The following SLC30A8 variants were observed in gnomAD, a reference collection of about 807,000 sequenced individuals.
SLC30A8 encodes proton-coupled zinc antiporter SLC30A8.
SLC30A8 carries 27 observed loss-of-function variants against 36.9 expected under a neutral mutation model. The ratio of observed to expected loss-of-function variants is 0.73; its 90% confidence interval spans 0.54 to 1.01. The LOEUF (loss-of-function observed/expected upper bound fraction) is 1.01, where lower values mean the gene tolerates loss of function less well. Among genes scored for constraint, SLC30A8 ranks in the 50% least tolerant of loss-of-function variants. The pLI, the probability that SLC30A8 is intolerant of heterozygous loss-of-function variation, is 0.00. For synonymous variants in SLC30A8, 164 were observed against 172.4 expected (o/e 0.95, Z 0.38); for missense variants, 439 against 452.0 (o/e 0.97, Z 0.26).
chr8:117,104,130 C>A (rs1819864114), intron 2 of SLC30A8, among the ~76,000 whole-genome samples: 1 of 152,152 alleles, frequency 6.6e-6, no homozygotes, highest in Non-Finnish European at 1.5e-5. Flanking sequence ...TCCAACTAGA[C>A]CCCAACTTGG....
At chr8:117,121,737 T>A (rs1563610452) in intron 2 of SLC30A8, among the ~76,000 whole-genome samples, 1 of 152,044 alleles carries the variant, frequency 6.6e-6, no homozygotes, top group East Asian at 1.9e-4. Context: ...AATAAGCCAG[T>A]CACAAAAGGA....
chr8:117,090,269 A>T (rs949170860), intron 2 of SLC30A8, among the ~76,000 whole-genome samples: 1 of 152,082 alleles, frequency 6.6e-6, no homozygotes, highest in Admixed American at 6.6e-5. Flanking sequence ...GCCAACTCCT[A>T]ATAAATTTTT....
chr8:117,100,444 C>G (rs1042871241), intron 2 of SLC30A8, among the ~76,000 whole-genome samples: 1 of 152,140 alleles, frequency 6.6e-6, no homozygotes, highest in Non-Finnish European at 1.5e-5. Context: ...CTCTTTGAGG[C>G]TCTAAGCCCC....
At chr8:117,019,877 G>A (rs1205277779) in intron 1 of SLC30A8, among the ~76,000 whole-genome samples, 4 of 152,196 alleles carry the variant, frequency 2.6e-5, no homozygotes, top group African/African-American at 9.7e-5. Context: ...GGGCATGGCA[G>A]GGGAGAGTGT....
intron 2 of SLC30A8, among the ~76,000 whole-genome samples, chr8:117,066,716 T>G (rs1306975413): frequency 6.6e-6 from 1 of 152,110 alleles, no homozygotes; most frequent in Non-Finnish European, 1.5e-5. Context: ...GGAAAAGATG[T>G]GTACTTTTTT....
intron 1 of SLC30A8, among the ~76,000 whole-genome samples, chr8:116,973,473 AC>A (rs1814863486): frequency 6.6e-6 from 1 of 152,184 alleles, no homozygotes; most frequent in African/African-American, 2.4e-5. Flanking sequence ...TAGGAATCCA[AC>A]TTACAAGGGA....
intron 1 of SLC30A8, among the ~76,000 whole-genome samples, chr8:117,143,566 T>C (rs1359666305): frequency 1.3e-5 from 2 of 152,076 alleles, no homozygotes; most frequent in Non-Finnish European, 2.9e-5. Context: ...TTTAATGAGA[T>C]GATAAGGAAT....
intron 1 of SLC30A8, among the ~76,000 whole-genome samples, chr8:117,033,057 A>G (rs942791699): frequency 6.6e-6 from 1 of 152,202 alleles, no homozygotes; most frequent in African/African-American, 2.4e-5. Context: ...CAGATGTATT[A>G]AAATTAAAAG....
chr8:117,036,843 C>G (rs142864854), intron 1 of SLC30A8, among the ~76,000 whole-genome samples: 116 of 152,252 alleles, frequency 7.6e-4, no homozygotes, highest in Non-Finnish European at 1.5e-3. Flanking sequence ...AGTAGCATGC[C>G]CAAGTTTATG....
intron 2 of SLC30A8, among the ~76,000 whole-genome samples, chr8:117,089,568 A>G (rs887918937): frequency 6.6e-6 from 1 of 152,070 alleles, no homozygotes; most frequent in Non-Finnish European, 1.5e-5. Context: ...CATCCCCACT[A>G]CTGCCTCCAT....
In SLC30A8 at chr8:117,169,702, G is replaced by A. The variant is rs571163616; in HGVS notation, c.830-1332G>A. Reference sequence around the variant, plus strand: ...GAGGCCTCAAGAAGCTTCCAATAGCGGCAAAAGGCAAAGGGGGAGAAGGCA... The same window carrying A: ...GAGGCCTCAAGAAGCTTCCAATAGCAGCAAAAGGCAAAGGGGGAGAAGGCA... On this transcript the variant is annotated intron_variant, in intron 6 of 7. Coordinates refer to ENST00000456015, the MANE Select transcript of SLC30A8 (RefSeq NM_173851.3). Among the ~76,000 whole-genome samples, 8 of 152,184 alleles carry A rather than the reference G, an allele frequency of 5.3e-5. No individual in the cohort carries two copies. In the South Asian group the frequency reaches 1.2e-3, roughly 24 times the overall value.
chr8:117,163,070 T>G (rs1454476864), intron 5 of SLC30A8, among the ~76,000 whole-genome samples: 1 of 152,256 alleles, frequency 6.6e-6, no homozygotes, highest in African/African-American at 2.4e-5. Context: ...TCTTTGGATC[T>G]TGTGGGCATA....
intron 2 of SLC30A8, among the ~76,000 whole-genome samples, chr8:117,099,513 G>A (rs1241975704): frequency 2.0e-5 from 3 of 152,118 alleles, no homozygotes; most frequent in Non-Finnish European, 2.9e-5. Flanking sequence ...GAGATCTAGA[G>A]GTAGCAGTTT....
intron 1 of SLC30A8, among the ~76,000 whole-genome samples, chr8:116,974,075 C>T (rs1814890256): frequency 6.6e-6 from 1 of 152,140 alleles, no homozygotes; most frequent in South Asian, 2.1e-4. Context: ...AGACCTAAAA[C>T]CATAAAAACC....
chr8:117,122,851 C>T (rs1360229509), intron 2 of SLC30A8, among the ~76,000 whole-genome samples: 3 of 151,968 alleles, frequency 2.0e-5, no homozygotes, highest in Non-Finnish European at 2.9e-5. Context: ...CCTTTCCCCT[C>T]TGTGGACTCT....
At chr8:117,132,941 A>C (rs540877179), upstream of SLC30A8, among the ~76,000 whole-genome samples, 2 of 152,112 alleles carry the variant, frequency 1.3e-5, no homozygotes, top group Admixed American at 1.3e-4. Flanking sequence ...TGCTACTCAC[A>C]CTGGAAGCTT....
chr8:117,099,718 ACAT>A (rs1321928576), intron 2 of SLC30A8, among the ~76,000 whole-genome samples: 1 of 152,182 alleles, frequency 6.6e-6, no homozygotes, highest in East Asian at 1.9e-4. Flanking sequence ...TGCTCACTAA[ACAT>A]CATCAGTCTC....
intron 1 of SLC30A8, among the ~76,000 whole-genome samples, chr8:116,996,247 T>C (rs1043426066): frequency 4.6e-5 from 7 of 152,316 alleles, no homozygotes; most frequent in Admixed American, 2.6e-4. Flanking sequence ...AAAGCTCTCT[T>C]CTTATAGGAG....
intron 2 of SLC30A8, among the ~76,000 whole-genome samples, chr8:117,076,785 C>T (rs1157645281): frequency 9.5e-5 from 14 of 147,490 alleles, no homozygotes; most frequent in African/African-American, 2.0e-4. Flanking sequence ...TTTTTTTTGG[C>T]GGCACCTATT....
Sources: gnomAD v4.1 joint callset for allele counts (sites outside exome capture counted in the v4.1 genomes callset) on GRCh38, gnomAD v4.1.1 for gene constraint, MANE v1.5 for transcripts, NCBI Gene and HGNC (gene_info 2026-07-23, HGNC 2026-07-21) for gene names.